FAM131B: variants seen among roughly 807,000 people sequenced by gnomAD.
FAM131B encodes family with sequence similarity 131 member B.
FAM131B carries 19 observed loss-of-function variants against 42.0 expected under a neutral mutation model. The ratio of observed to expected loss-of-function variants is 0.45; its 90% confidence interval spans 0.32 to 0.66. FAM131B has a LOEUF of 0.66. Ranked by LOEUF, FAM131B falls within the 30% of genes least tolerant of loss-of-function variation. The pLI is 0.05. For synonymous variants in FAM131B, 183 were observed against 177.6 expected (o/e 1.03, Z -0.24); for missense variants, 370 against 468.4 (o/e 0.79, Z 1.94).
In FAM131B at chr7:143,359,936, A is replaced by C. The variant is rs1803874896; in HGVS notation, c.138+104T>G. On this transcript the variant is annotated intron_variant, in intron 2 of 6. Transcript: ENST00000443739. The surrounding 1 kb of genome is among the most constrained non-coding windows in gnomAD (Gnocchi z 5.4). ...GGACTGCTTGGCATGTGTTGTGAGA[A>C]ATGTTCTGTAGAAGTGTCAGTCTGA... 1 of 1,030,432 alleles carries C rather than the reference A, an allele frequency of 9.7e-7. No homozygotes were observed. Among genetic ancestry groups the C allele is most frequent in the Non-Finnish European group, 1.5e-6 (1 of 675,456 alleles). The allele number at this position is 1,030,432 out of a possible 1,614,324, so 63.8% of individuals were successfully genotyped here. A position where few individuals can be genotyped will look rare whatever the true frequency, so the allele number is the denominator to read the frequency against.
intron 1 of FAM131B, chr7:143,360,934 G>C (rs1803935964): frequency 6.6e-6 from 1 of 152,436 alleles, no homozygotes; most frequent in African/African-American, 2.4e-5. Flanking sequence ...AGCTCCTGGT[G>C]GAGGGAGACT....
chr7:143,357,517 T>C (rs956535879), intron 5 of FAM131B, 94 bp from the exon 6 acceptor site: 1 of 1,046,958 alleles, frequency 9.6e-7, no homozygotes, highest in Non-Finnish European at 1.3e-6. Context: ...CACTGTTCAG[T>C]AGAAATATAA....
At chr7:143,363,556 G>A (rs1295568038), upstream of FAM131B, among the ~76,000 whole-genome samples, 1 of 152,068 alleles carries the variant, frequency 6.6e-6, no homozygotes, top group Non-Finnish European at 1.5e-5. Context: ...AGTGGGACTG[G>A]GCCAGGTAGA....
At chr7:143,366,013 A>G (rs920826622), upstream of FAM131B, among the ~76,000 whole-genome samples, 1 of 152,200 alleles carries the variant, frequency 6.6e-6, no homozygotes, top group Admixed American at 6.5e-5. Flanking sequence ...CAGGATCCCA[A>G]AGTCCTTGAA....
chr7:143,353,465 C>T lies in FAM131B; in HGVS notation c.*3085G>A, dbSNP rs1346429911. 7 of 152,190 alleles carry T rather than the reference C, an allele frequency of 4.6e-5. No homozygotes were observed. The allele number at this position is 152,190 out of a possible 1,614,324, so 9.4% of individuals were successfully genotyped here. ...AGCCTTCTCCAGCATCACATCCCTC[C>T]CACTTCCCCAGGCCAAGAGAGATGC... On this transcript the variant is annotated 3_prime_UTR_variant, in exon 7 of 7. Transcript: ENST00000443739.
At chr7:143,378,092 T>C in the FAM131B span, among the ~76,000 whole-genome samples, 4 of 152,242 alleles carry the variant, frequency 2.6e-5, no homozygotes, top group Non-Finnish European at 5.9e-5. Flanking sequence ...GTGCTGCTAT[T>C]ATAGTTGTTG....
At chr7:143,381,441 C>T in the FAM131B span, 12 of 1,283,818 alleles carry the variant, frequency 9.3e-6, no homozygotes, top group Non-Finnish European at 1.2e-5. Context: ...GGCGGCCCCA[C>T]GGGGAGGGGG....
chr7:143,361,364 G>C (rs917179097), intron 1 of FAM131B: 2 of 152,138 alleles, frequency 1.3e-5, no homozygotes, highest in South Asian at 4.2e-4. Context: ...GGCGGGGTGC[G>C]GGGGGAGAGG....
At chr7:143,357,644 C>T (rs1036815094) in intron 5 of FAM131B, among the ~76,000 whole-genome samples, 1 of 152,166 alleles carries the variant, frequency 6.6e-6, no homozygotes, top group Non-Finnish European at 1.5e-5. Flanking sequence ...AAAAGATTTT[C>T]ATCTCAACAT....
Position 143,359,263 on chromosome 7 carries a change from A to T in FAM131B, c.268+63T>A, listed in dbSNP as rs1010707490. 6 of 1,328,908 alleles carry T rather than the reference A, an allele frequency of 4.5e-6. No homozygotes were observed. Among genetic ancestry groups the T allele is most frequent in the Non-Finnish European group, 6.4e-6 (6 of 932,792 alleles). The allele number at this position is 1,328,908 out of a possible 1,614,324, so 82.3% of individuals were successfully genotyped here. On this transcript the variant is annotated intron_variant, in intron 4 of 6. Coordinates refer to ENST00000443739, the MANE Select transcript of FAM131B (RefSeq NM_001031690.3). This position sits in a 1 kb window ranked among gnomAD's most constrained non-coding sequence, Gnocchi z 5.4. ...TCATCAACCTCGAAGGAGCAGGGAG[A>T]CTGAGCCAAGGAGTCTGTCAGCATT...
the FAM131B span, chr7:143,381,378 C>T: frequency 4.3e-6 from 5 of 1,175,428 alleles, no homozygotes; most frequent in Non-Finnish European, 5.3e-6. Flanking sequence ...GAGGCGGCCA[C>T]CCGAGACGCG....
At chr7:143,369,401 G>A in the FAM131B span, among the ~76,000 whole-genome samples, 3 of 152,112 alleles carry the variant, frequency 2.0e-5, no homozygotes, top group African/African-American at 7.2e-5. Context: ...TTGGCCGGGC[G>A]CGGTGGCTCA....
At chr7:143,368,439 G>C in the FAM131B span, among the ~76,000 whole-genome samples, 3 of 152,212 alleles carry the variant, frequency 2.0e-5, no homozygotes, top group African/African-American at 7.2e-5. Flanking sequence ...ACCAGGAACT[G>C]GAAGGCTTGT....
At chr7:143,376,676 G>A in the FAM131B span, among the ~76,000 whole-genome samples, 2 of 152,154 alleles carry the variant, frequency 1.3e-5, no homozygotes, top group South Asian at 2.1e-4. Context: ...ATCATCCACC[G>A]TGTCTGCAGT....
At chr7:143,369,179 T>C in the FAM131B span, among the ~76,000 whole-genome samples, 1 of 152,220 alleles carries the variant, frequency 6.6e-6, no homozygotes, top group African/African-American at 2.4e-5. Flanking sequence ...AGTTAGTAAG[T>C]GGCTGAACTG....
rs760650119 is a variant in FAM131B, at chr7:143,356,593, C to T, written c.1040G>A (p.Gly347Asp). 16 of 1,613,938 alleles carry T rather than the reference C, an allele frequency of 9.9e-6. No homozygotes were observed. The highest frequency in any genetic ancestry group is 1.7e-5 in the Admixed American group (1 of 60,000). ...TTCCTCCTCATCAAAGGACTGCACACCTGAGGATGTGACGTCAGACACCTT... is the reference window on the plus strand; with the variant it reads ...TTCCTCCTCATCAAAGGACTGCACATCTGAGGATGTGACGTCAGACACCTT... ...SRKVSDVTSSGVQSFDEEEGE... is the reference protein window; with the variant it reads ...SRKVSDVTSSDVQSFDEEEGE... The change falls in exon 7 of 7, where the codon GGT becomes GAT. Residue 347 changes from glycine to aspartate, a missense_variant. Physicochemically the swap from Gly to Asp is moderately conservative, Grantham distance 94. Transcript: ENST00000443739. The surrounding 1 kb of genome is among the most constrained non-coding windows in gnomAD (Gnocchi z 4.4).
chr7:143,368,634 T>C, the FAM131B span, among the ~76,000 whole-genome samples: 1 of 152,224 alleles, frequency 6.6e-6, no homozygotes, highest in Non-Finnish European at 1.5e-5. Flanking sequence ...CTCCCCAGCT[T>C]CTGCCTCTGA....
At chr7:143,364,962 G>A (rs1781401923), upstream of FAM131B, among the ~76,000 whole-genome samples, 1 of 152,186 alleles carries the variant, frequency 6.6e-6, no homozygotes, top group South Asian at 2.1e-4. Flanking sequence ...AGGTACTTCG[G>A]TGGTACCTGC....
chr7:143,380,609 G>C, the FAM131B span: 1 of 985,342 alleles, frequency 1.0e-6, no homozygotes, highest in Admixed American at 6.1e-5. The surrounding 1 kb of genome is among the most constrained non-coding windows in gnomAD (Gnocchi z 5.0). Flanking sequence ...TCTCGCAACC[G>C]ATCTGCTGGC....
Sources: allele counts gnomAD v4.1 joint callset (sites outside exome capture counted in the v4.1 genomes callset), GRCh38; gene constraint gnomAD v4.1.1; non-coding constraint Gnocchi (gnomAD v3.1); transcripts MANE v1.5; gene names NCBI Gene and HGNC (gene_info 2026-07-23, HGNC 2026-07-21).